PREX1: variants seen among roughly 807,000 people sequenced by gnomAD.
PREX1 encodes the protein phosphatidylinositol 3,4,5-trisphosphate-dependent Rac exchanger 1 protein.
PREX1 carries 41 observed loss-of-function variants against 198.3 expected under a neutral mutation model. That is an observed-to-expected ratio of 0.21 (90% confidence interval 0.16 to 0.27). The LOEUF (loss-of-function observed/expected upper bound fraction) is 0.27, where lower values mean the gene tolerates loss of function less well. Ranked by LOEUF, PREX1 falls within the 10% of genes least tolerant of loss-of-function variation. PREX1 has a pLI of 1.00. For synonymous variants in PREX1, 843 were observed against 887.2 expected, an observed-to-expected ratio of 0.95 and a Z score of 0.89; for missense variants, 1,620 against 2,200.7, an observed-to-expected ratio of 0.74 and a Z score of 5.28.
intron 4 of PREX1, among the ~76,000 whole-genome samples, chr20:48,730,651 G>A (rs751758751): frequency 1.3e-5 from 2 of 151,954 alleles, no homozygotes; most frequent in Non-Finnish European, 2.9e-5. Context: ...TCATCCTGGG[G>A]GTGGACTTAC....
chr20:48,721,808 G>A (rs4810868), intron 5 of PREX1, among the ~76,000 whole-genome samples: 25,424 of 152,168 alleles, frequency 0.17, 2,312 homozygotes, highest in Middle Eastern at 0.29. Flanking sequence ...AAGGCATTCG[G>A]AAACAGCTGG....
rs73260250 is a variant in PREX1, at chr20:48,818,685, G to A, written c.219+8957C>T. Among the ~76,000 whole-genome samples, 1,217 of 152,340 alleles carry A rather than the reference G, an allele frequency of 8.0e-3. 19 individuals are homozygous for A. Among genetic ancestry groups the A allele is most frequent in the African/African-American group, 0.028 (1,170 of 41,570 alleles). ...GGGCAGAGGTGAGAGCTAATAGACA[G>A]TAAAGTGCTGTTATGATGCCTATGC... On this transcript the variant is annotated intron_variant, in intron 1 of 39. Coordinates refer to ENST00000371941, the MANE Select transcript of PREX1 (RefSeq NM_020820.4).
At position 48,650,224 on chromosome 20, in the gene PREX1, G is replaced by T. The variant is rs750122532; in HGVS notation, c.2818-18C>A. The T allele has an allele frequency of 2.5e-6, 4 of 1,591,624 alleles. No individual in the cohort carries two copies. The South Asian group carries it at 4.4e-5, about 18-fold the overall frequency. On this transcript the variant is annotated intron_variant, in intron 23 of 39. Coordinates refer to ENST00000371941, the MANE Select transcript of PREX1 (RefSeq NM_020820.4). ...GCTGCAAACTGAGAAAGTGGAGGCC[G>T]TAAGGTCGTGAATCACAGGGCAGGG...
At chr20:48,758,138 A>T (rs896111784) in intron 1 of PREX1, among the ~76,000 whole-genome samples, 1 of 152,164 alleles carries the variant, frequency 6.6e-6, no homozygotes, top group Non-Finnish European at 1.5e-5. Flanking sequence ...CAAGAAGGGA[A>T]GGCAGCCCAC....
upstream of PREX1, among the ~76,000 whole-genome samples, chr20:48,832,275 G>A (rs1187425767): frequency 2.6e-5 from 4 of 152,288 alleles, no homozygotes; most frequent in South Asian, 2.1e-4. Context: ...CAGTTGAGGG[G>A]GAGAAGATTC....
the PREX1 span, among the ~76,000 whole-genome samples, chr20:48,887,576 C>T: frequency 1.3e-5 from 2 of 152,152 alleles, no homozygotes; most frequent in East Asian, 1.9e-4. Flanking sequence ...GCCAAGATCA[C>T]ACCACTGCAC....
chr20:48,738,655 G>A (rs1312690729), intron 3 of PREX1, among the ~76,000 whole-genome samples: 3 of 152,192 alleles, frequency 2.0e-5, no homozygotes, highest in Non-Finnish European at 2.9e-5. Context: ...AGATGTGGTG[G>A]GTACGGAACA....
the PREX1 span, among the ~76,000 whole-genome samples, chr20:48,874,201 C>T: frequency 6.6e-6 from 1 of 152,114 alleles, no homozygotes; most frequent in Non-Finnish European, 1.5e-5. Flanking sequence ...AATGCTTATC[C>T]AAGATCACCC....
At chr20:48,751,967 A>G (rs534062466) in intron 1 of PREX1, among the ~76,000 whole-genome samples, 2 of 152,310 alleles carry the variant, frequency 1.3e-5, no homozygotes, top group East Asian at 3.9e-4. Flanking sequence ...AAGAAATTCA[A>G]CAAGTCTAGG....
the PREX1 span, among the ~76,000 whole-genome samples, chr20:48,848,310 A>C: frequency 6.7e-6 from 1 of 149,544 alleles, no homozygotes; most frequent in Non-Finnish European, 1.5e-5. Flanking sequence ...TCTGGAGTCC[A>C]GTGGCACAAT....
chr20:48,734,356 C>T (rs1489991338), intron 4 of PREX1, among the ~76,000 whole-genome samples, 190 bp downstream of exon 4: 1 of 152,122 alleles, frequency 6.6e-6, no homozygotes, highest in South Asian at 2.1e-4. Flanking sequence ...CTGTATGGTA[C>T]GCAGAGCCAA....
chr20:48,670,083 T>A (rs2122979882), intron 14 of PREX1, among the ~76,000 whole-genome samples: 1 of 152,310 alleles, frequency 6.6e-6, no homozygotes, highest in African/African-American at 2.4e-5. Context: ...ATAGACAGAC[T>A]TGGCAGTTGC....
At chr20:48,808,219 A>G (rs2090420611) in intron 1 of PREX1, among the ~76,000 whole-genome samples, 1 of 152,098 alleles carries the variant, frequency 6.6e-6, no homozygotes, top group South Asian at 2.1e-4. Context: ...AGCGGCCCCA[A>G]ATTCCCTGCC....
chr20:48,864,913 C>T, the PREX1 span, among the ~76,000 whole-genome samples: 112 of 152,212 alleles, frequency 7.4e-4, no homozygotes, highest in Non-Finnish European at 1.2e-3. Context: ...CCATTAAATC[C>T]CTGGTGACAC....
At chr20:48,792,612 A>G (rs1361641483) in intron 1 of PREX1, among the ~76,000 whole-genome samples, 3 of 152,172 alleles carry the variant, frequency 2.0e-5, no homozygotes, top group Non-Finnish European at 2.9e-5. Context: ...AATAAAAACT[A>G]TCTCCATACA....
chr20:48,630,103 C>A (rs1601025672), intron 36 of PREX1, among the ~76,000 whole-genome samples: 1 of 152,142 alleles, frequency 6.6e-6, no homozygotes, highest in African/African-American at 2.4e-5. Flanking sequence ...CTGTGCCCAC[C>A]CTCCTCCCGG....
At chr20:48,829,439 G>A (rs1206821646), upstream of PREX1, among the ~76,000 whole-genome samples, 1 of 152,180 alleles carries the variant, frequency 6.6e-6, no homozygotes, top group African/African-American at 2.4e-5. Context: ...AGTGCCTAAG[G>A]ACACAGGGAG....
At chr20:48,741,277 A>T (rs1168670658) in intron 3 of PREX1, among the ~76,000 whole-genome samples, 1 of 152,130 alleles carries the variant, frequency 6.6e-6, no homozygotes, top group Non-Finnish European at 1.5e-5. Flanking sequence ...CGTGACCTTG[A>T]GCTTAACCTT....
chr20:48,689,892 G>A (rs776180547), intron 9 of PREX1, among the ~76,000 whole-genome samples: 3 of 152,246 alleles, frequency 2.0e-5, no homozygotes, highest in Non-Finnish European at 1.5e-5. Context: ...GCTTGTCTTG[G>A]GTGGAAGTAG....
Sources: allele counts gnomAD v4.1 joint callset (sites outside exome capture counted in the v4.1 genomes callset), GRCh38; gene constraint gnomAD v4.1.1; transcripts MANE v1.5; gene names NCBI Gene and HGNC (gene_info 2026-07-23, HGNC 2026-07-21).